Variants in NDC1 observed in about 807,000 individuals in gnomAD.
The protein encoded by NDC1 is NDC1 transmembrane nucleoporin, also known as nucleoporin NDC1.
NDC1 carries 24 observed loss-of-function variants against 89.8 expected under a neutral mutation model. The ratio of observed to expected loss-of-function variants is 0.27; its 90% CI spans 0.19 to 0.38. The LOEUF is 0.38. Ranked by LOEUF, NDC1 falls within the 10% of genes least tolerant of loss-of-function variation. The pLI is 1.00. For missense variants in NDC1, 728 were observed against 797.6 expected, an observed-to-expected ratio of 0.91 and a Z score of 1.05; for synonymous variants, 296 against 284.8, an observed-to-expected ratio of 1.04 and a Z score of -0.39.
intron 6 of NDC1, among the ~76,000 whole-genome samples, chr1:53,815,299 T>A (rs907078553): frequency 6.6e-6 from 1 of 152,126 alleles, no homozygotes; most frequent in African/African-American, 2.4e-5. Flanking sequence ...TGGTTTAACA[T>A]ACACAAGTCA....
At chr1:53,789,071 A>G (rs1647400749) in intron 15 of NDC1, 62 bp downstream of exon 15, 1 of 1,103,818 alleles carries the variant, frequency 9.1e-7, no homozygotes, top group Admixed American at 1.9e-5. Flanking sequence ...CCTTTCATGA[A>G]TTATACTTCA....
intron 16 of NDC1, among the ~76,000 whole-genome samples, chr1:53,774,497 T>G (rs1181196): frequency 1.3e-5 from 2 of 152,082 alleles, no homozygotes; most frequent in Non-Finnish European, 2.9e-5. Flanking sequence ...TCATCATTAA[T>G]GCCTGGGTCC....
At chr1:53,823,014 G>T (rs1368393099) in intron 5 of NDC1, among the ~76,000 whole-genome samples, 1 of 152,100 alleles carries the variant, frequency 6.6e-6, no homozygotes, top group Non-Finnish European at 1.5e-5. Flanking sequence ...GCTAATGAAA[G>T]AAAGATAAGC....
rs1483543073 is a variant in NDC1, at chr1:53,766,079, A to G, written c.*1891T>C. The G allele has an allele frequency of 2.0e-5, 3 of 152,220 alleles. No homozygotes were observed. Among genetic ancestry groups the G allele is most frequent in the Non-Finnish European group, 4.4e-5 (3 of 68,040 alleles). The allele number at this position is 152,220 out of a possible 1,614,324, so 9.4% of individuals were successfully genotyped here. A position where few individuals can be genotyped will look rare whatever the true frequency, so the allele number is the denominator to read the frequency against. On this transcript the variant is annotated 3_prime_UTR_variant, in exon 18 of 18. Coordinates refer to ENST00000371429, the MANE Select transcript of NDC1 (RefSeq NM_018087.5). Reference sequence around the variant, plus strand: ...GTGGCCTGTATTTAGTACACAGCACATTCTCTTAAGAGAAAACAGGAATGA... The same window carrying G: ...GTGGCCTGTATTTAGTACACAGCACGTTCTCTTAAGAGAAAACAGGAATGA...
At chr1:53,809,329 G>A (rs529799956) in intron 7 of NDC1, among the ~76,000 whole-genome samples, 2 of 152,224 alleles carry the variant, frequency 1.3e-5, no homozygotes, top group South Asian at 2.1e-4. Context: ...CAGAGGAGGA[G>A]ACTTTTTCAT....
chr1:53,789,128 C>T lies in NDC1; in HGVS notation c.1699+5G>A. On this transcript the variant is annotated splice_donor_5th_base_variant and intron_variant, in intron 15 of 17. Transcript: ENST00000371429. ...TCATAGTTACAGTTCACAGTCATTG[C>T]TTACCTTCTAATGCCCAAATATGCA... 1 of 1,580,226 alleles carries T rather than the reference C, an allele frequency of 6.3e-7. No individual in the cohort carries two copies. The highest frequency in any genetic ancestry group is 2.2e-5 in the East Asian group (1 of 44,682).
chr1:53,802,355 A>G (rs561824035), intron 10 of NDC1, among the ~76,000 whole-genome samples: 2 of 152,196 alleles, frequency 1.3e-5, no homozygotes, highest in East Asian at 3.9e-4. Flanking sequence ...CAAACTAATG[A>G]AGAAATCATT....
chr1:53,827,949 T>C (rs1159332262), intron 4 of NDC1, 50 bp downstream of exon 4: 1 of 1,450,822 alleles, frequency 6.9e-7, no homozygotes, highest in Admixed American at 2.0e-5. Flanking sequence ...AGGTCACCTT[T>C]GGCTTAGTAA....
chr1:53,785,901 T>TTTTA (rs757203425), intron 16 of NDC1, among the ~76,000 whole-genome samples: 6,346 of 151,462 alleles, frequency 0.042, 384 homozygotes, highest in African/African-American at 0.13. Context: ...CAGATGCTAT[T>TTTTA]TTTATTCATT....
chr1:53,776,610 A>T (rs974830985), intron 16 of NDC1, among the ~76,000 whole-genome samples: 10 of 152,196 alleles, frequency 6.6e-5, no homozygotes, highest in African/African-American at 2.4e-4. Context: ...ATTGGACAGA[A>T]CTGGTCTAGA....
At chr1:53,781,563 GC>G (rs1344431987) in intron 16 of NDC1, among the ~76,000 whole-genome samples, 2 of 152,086 alleles carry the variant, frequency 1.3e-5, no homozygotes, top group African/African-American at 2.4e-5. Context: ...TTCACATTTT[GC>G]CTTTAATGAT....
At chr1:53,787,123 G>A (rs1047777008) in intron 16 of NDC1, 35 bp downstream of exon 16, 8 of 1,134,194 alleles carry the variant, frequency 7.1e-6, no homozygotes, top group Non-Finnish European at 1.0e-5. Context: ...AGGGGAAGAT[G>A]ACCTCTACCC....
chr1:53,770,555 C>A (rs921560027), intron 17 of NDC1, among the ~76,000 whole-genome samples: 10 of 152,160 alleles, frequency 6.6e-5, no homozygotes, highest in Admixed American at 2.0e-4. Context: ...GATCCGCCCG[C>A]CTTGGCCTCC....
At chr1:53,770,221 C>A (rs1647100391) in intron 17 of NDC1, among the ~76,000 whole-genome samples, 1 of 151,344 alleles carries the variant, frequency 6.6e-6, no homozygotes, top group South Asian at 2.1e-4. Context: ...GAGGCAGGGT[C>A]TCGCTAAAAT....
chr1:53,828,365 A>T (rs1391204341), intron 3 of NDC1, among the ~76,000 whole-genome samples, 192 bp from the exon 4 acceptor site: 1 of 152,208 alleles, frequency 6.6e-6, no homozygotes, highest in African/African-American at 2.4e-5. Flanking sequence ...GCATGAATAA[A>T]CAGACACAAA....
In NDC1 at chr1:53,835,547, A is replaced by G. The variant is rs766036185; in HGVS notation, c.131T>C (p.Ile44Thr). 2.5e-6 allele frequency: 4 copies of G among 1,613,510 alleles called. No individual in the cohort carries two copies. The South Asian group carries it at 3.3e-5, about 13-fold the overall frequency. The change falls in exon 2 of 18, where the codon ATA becomes ACA. Residue 44 changes from isoleucine to threonine, a missense_variant. Transcript: ENST00000371429. ...AAACAAATCAATCCTGCTGAAAATT[A>G]TAAATACTGTGGTGCAGATGGGTAG... is the stretch of plus-strand genomic sequence containing the variant. ...LFLPICTTVF[I>T]IFSRIDLFHP...
At chr1:53,807,246 C>CAAA (rs56393499) in intron 8 of NDC1, among the ~76,000 whole-genome samples, 7 of 55,276 alleles carry the variant, frequency 1.3e-4, no homozygotes, top group Non-Finnish European at 1.6e-4. Flanking sequence ...GACCCTATCT[C>CAAA]AAAAAAAAAA....
At chr1:53,812,185 T>C (rs1648329811) in intron 6 of NDC1, among the ~76,000 whole-genome samples, 1 of 152,228 alleles carries the variant, frequency 6.6e-6, no homozygotes. Flanking sequence ...CCTGGTAATA[T>C]GACTATACAA....
At chr1:53,833,886 C>T (rs144302278) in intron 2 of NDC1, among the ~76,000 whole-genome samples, 2,041 of 150,762 alleles carry the variant, frequency 0.014, 43 homozygotes, top group African/African-American at 0.048. Context: ...AGTGAAGTGG[C>T]GTGATCTCAG....
Sources: gnomAD v4.1 joint callset for allele counts (sites outside exome capture counted in the v4.1 genomes callset) on GRCh38, gnomAD v4.1.1 for gene constraint, MANE v1.5 for transcripts, NCBI Gene and HGNC (gene_info 2026-07-23, HGNC 2026-07-21) for gene names.